Variants in SLIT3 observed in about 807,000 individuals in gnomAD.
SLIT3 encodes the protein slit guidance ligand 3.
SLIT3 carries 68 observed loss-of-function variants against 184.0 expected under a neutral mutation model. The observed-to-expected ratio is 0.37, with a 90% CI of 0.30 to 0.45. SLIT3 has a LOEUF of 0.45. Among genes scored for constraint, SLIT3 ranks in the 20% least tolerant of loss-of-function variants. The pLI is 1.00. For missense variants in SLIT3, 1,707 were observed against 2,026.0 expected, an observed-to-expected ratio of 0.84 and a Z score of 3.02; for synonymous variants, 831 against 828.6, an observed-to-expected ratio of 1.00 and a Z score of -0.05.
chr5:169,003,825 A>G (rs1036807573), intron 4 of SLIT3, among the ~76,000 whole-genome samples: 1 of 152,182 alleles, frequency 6.6e-6, no homozygotes, highest in Non-Finnish European at 1.5e-5. Context: ...GTTGTGGCTG[A>G]TAAGTAAGGA....
intron 34 of SLIT3, 75 bp from the exon 35 acceptor site, chr5:168,670,066 GC>G: frequency 7.7e-7 from 1 of 1,302,450 alleles, no homozygotes; most frequent in South Asian, 1.2e-5. Flanking sequence ...TGTCCACCCA[GC>G]CAGGGACCAG....
chr5:169,044,587 T>TGGGGGGGGGGGAGGGGG (rs57256659), intron 4 of SLIT3, among the ~76,000 whole-genome samples: 1 of 70,642 alleles, frequency 1.4e-5, no homozygotes, highest in African/African-American at 4.2e-5. Context: ...TGGAGGAAGG[T>TGGGGGGGGGGGAGGGGG]GGGGGGGGGG....
intron 3 of SLIT3, among the ~76,000 whole-genome samples, chr5:169,234,861 G>C (rs769582477): frequency 2.6e-5 from 4 of 152,108 alleles, no homozygotes; most frequent in Non-Finnish European, 5.9e-5. Context: ...ATTTTTTTAG[G>C]TTATTCACTT....
At chr5:168,954,968 C>A (rs1762772768) in intron 4 of SLIT3, among the ~76,000 whole-genome samples, 1 of 152,128 alleles carries the variant, frequency 6.6e-6, no homozygotes. Flanking sequence ...CAGGTTCCGG[C>A]CTCATTCCTT....
chr5:168,952,570 T>G (rs1762692349), intron 4 of SLIT3, among the ~76,000 whole-genome samples: 1 of 120,234 alleles, frequency 8.3e-6, no homozygotes, highest in Non-Finnish European at 1.6e-5. Context: ...GCAAAGGGAT[T>G]TAAAAAAAAA....
intron 20 of SLIT3, among the ~76,000 whole-genome samples, chr5:168,738,491 T>C (rs1763507229): frequency 6.6e-6 from 1 of 152,254 alleles, no homozygotes; most frequent in African/African-American, 2.4e-5. Flanking sequence ...AGTACCTGTG[T>C]AATTGAGTTG....
At chr5:169,201,754 GT>G (rs1454880043) in intron 3 of SLIT3, among the ~76,000 whole-genome samples, 1 of 152,186 alleles carries the variant, frequency 6.6e-6, no homozygotes, top group Non-Finnish European at 1.5e-5. Context: ...GAAGGAGGAA[GT>G]ACATCAGCTC....
intron 4 of SLIT3, among the ~76,000 whole-genome samples, chr5:168,990,160 C>G (rs1025484459): frequency 2.0e-4 from 30 of 152,158 alleles, no homozygotes; most frequent in African/African-American, 7.0e-4. Context: ...ACATCAGGGT[C>G]CATCAGGATG....
At chr5:169,191,296 C>T (rs540127557) in intron 4 of SLIT3, among the ~76,000 whole-genome samples, 1 of 152,158 alleles carries the variant, frequency 6.6e-6, no homozygotes, top group Non-Finnish European at 1.5e-5. Flanking sequence ...GAGCTATGCC[C>T]GGACACGGAC....
intron 4 of SLIT3, among the ~76,000 whole-genome samples, chr5:169,004,639 T>C (rs1695265379): frequency 6.6e-6 from 1 of 152,174 alleles, no homozygotes; most frequent in African/African-American, 2.4e-5. Flanking sequence ...ATGAACTGCA[T>C]GTCTGTGTCC....
intron 4 of SLIT3, chr5:169,018,785 C>T (rs770818240): frequency 5.9e-5 from 9 of 152,242 alleles, no homozygotes; most frequent in Admixed American, 2.0e-4. Flanking sequence ...AGATGACTGG[C>T]TATTTCTAGG....
chr5:169,105,992 C>G (rs1760192697), intron 4 of SLIT3, among the ~76,000 whole-genome samples: 1 of 150,140 alleles, frequency 6.7e-6, no homozygotes, highest in Non-Finnish European at 1.5e-5. Flanking sequence ...ATGGCTGGGT[C>G]AAATGGTATT....
chr5:168,797,088 C>G (rs1308845517), intron 9 of SLIT3, among the ~76,000 whole-genome samples: 1 of 152,086 alleles, frequency 6.6e-6, no homozygotes, highest in Non-Finnish European at 1.5e-5. Context: ...ACCGGGAGCA[C>G]AGTCACAGGC....
At chr5:169,274,245 T>C (rs553179381) in intron 1 of SLIT3, among the ~76,000 whole-genome samples, 1 of 152,302 alleles carries the variant, frequency 6.6e-6, no homozygotes, top group African/African-American at 2.4e-5. Flanking sequence ...GACCGATTTA[T>C]GCTGTGGGAA....
intron 1 of SLIT3, among the ~76,000 whole-genome samples, chr5:169,281,336 C>T (rs971899385): frequency 6.6e-6 from 1 of 152,064 alleles, no homozygotes; most frequent in African/African-American, 2.4e-5. Flanking sequence ...ATTAGCTGGG[C>T]GTGGTGACGG....
At chr5:169,153,342 G>GC (rs1223927520) in intron 4 of SLIT3, among the ~76,000 whole-genome samples, 1 of 149,268 alleles carries the variant, frequency 6.7e-6, no homozygotes, top group Non-Finnish European at 1.5e-5. Context: ...ATTCACAACT[G>GC]CCATGTGCAC....
At chr5:168,766,330 T>C (rs1755344576) in intron 14 of SLIT3, among the ~76,000 whole-genome samples, 1 of 152,220 alleles carries the variant, frequency 6.6e-6, no homozygotes, top group Non-Finnish European at 1.5e-5. Context: ...GCGTAAGTCC[T>C]GTCAGGCCTC....
intron 4 of SLIT3, among the ~76,000 whole-genome samples, chr5:168,965,243 TA>T (rs760852666): frequency 5.9e-5 from 9 of 152,322 alleles, no homozygotes; most frequent in East Asian, 3.9e-4. Flanking sequence ...AAAAAATGGT[TA>T]GAACTTAAGA....
chr5:169,288,328 G>A (rs933799021), intron 1 of SLIT3, among the ~76,000 whole-genome samples: 1 of 149,668 alleles, frequency 6.7e-6, no homozygotes, highest in African/African-American at 2.5e-5. Flanking sequence ...AGATACAATT[G>A]TTCTCAGATT....
Sources: allele counts gnomAD v4.1 joint callset (sites outside exome capture counted in the v4.1 genomes callset), GRCh38; gene constraint gnomAD v4.1.1; transcripts MANE v1.5; gene names NCBI Gene and HGNC (gene_info 2026-07-23, HGNC 2026-07-21).